ERC1: variants seen among roughly 807,000 people sequenced by gnomAD.
ERC1 encodes ELKS/RAB6-interacting/CAST family member 1.
Under a neutral mutation model 132.0 loss-of-function variants are expected in ERC1, and 56 were observed. The ratio of observed to expected loss-of-function variants is 0.42; its 90% CI spans 0.34 to 0.53. The LOEUF (loss-of-function observed/expected upper bound fraction) is 0.53. ERC1 is among the 20% of genes least tolerant of loss of function. The pLI is 0.03. For missense variants in ERC1, 1,202 were observed against 1,349.9 expected (o/e 0.89, Z 1.72); for synonymous variants, 478 against 476.1 (o/e 1.00, Z -0.05).
Position 1,239,099 on chromosome 12 carries a change from C to CTGTT in ERC1, c.2487+2201_2487+2204dup, listed in dbSNP as rs549021986. Among the ~76,000 whole-genome samples, 253 of 152,202 alleles carry CTGTT rather than the reference C, an allele frequency of 1.7e-3. 1 individual carries two copies. Among genetic ancestry groups the CTGTT allele is most frequent in the Middle Eastern group, 6.8e-3 (2 of 294 alleles). Reference sequence around the variant, plus strand: ...ACTACTCAGTTACTTAAGTATATTTCTGTTTGTTTATTTATTTATTTACTT... The same window carrying CTGTT: ...ACTACTCAGTTACTTAAGTATATTTCTGTTTGTTTGTTTATTTATTTATTTACTT... On this transcript the variant is annotated intron_variant, in intron 13 of 18. Transcript: ENST00000360905.
chr12:1,219,911 T>G (rs999426887), intron 12 of ERC1, among the ~76,000 whole-genome samples: 1 of 152,090 alleles, frequency 6.6e-6, no homozygotes, highest in East Asian at 1.9e-4. Context: ...ACCCCTTGGG[T>G]TAAAACCTTC....
At chr12:1,460,427 C>G (rs1167879574) in intron 18 of ERC1, among the ~76,000 whole-genome samples, 2 of 152,118 alleles carry the variant, frequency 1.3e-5, no homozygotes, top group African/African-American at 2.4e-5. Flanking sequence ...CGGTGTTACC[C>G]CATGAGCAGT....
chr12:1,472,830 A>AT (rs2154428212), intron 18 of ERC1, among the ~76,000 whole-genome samples: 1 of 152,324 alleles, frequency 6.6e-6, no homozygotes, highest in Non-Finnish European at 1.5e-5. Flanking sequence ...GTTGTTGATA[A>AT]TACAAGAAAG....
intron 7 of ERC1, among the ~76,000 whole-genome samples, chr12:1,137,502 A>G (rs543939673): frequency 6.6e-6 from 1 of 152,248 alleles, no homozygotes; most frequent in Non-Finnish European, 1.5e-5. Context: ...AATGTTAGCT[A>G]CTTTACAGTG....
At chr12:1,148,579 A>G (rs953466459) in intron 8 of ERC1, among the ~76,000 whole-genome samples, 2 of 152,054 alleles carry the variant, frequency 1.3e-5, no homozygotes, top group Non-Finnish European at 2.9e-5. Context: ...GGTTTATGTT[A>G]TTAGTGCTTC....
intron 12 of ERC1, among the ~76,000 whole-genome samples, chr12:1,191,266 T>TA (rs1316530621): frequency 1.3e-5 from 2 of 152,136 alleles, no homozygotes; most frequent in African/African-American, 4.8e-5. Context: ...ATTTTTTATG[T>TA]CTTCATTTTT....
intron 1 of ERC1, among the ~76,000 whole-genome samples, chr12:1,007,145 A>AT (rs1211761877): frequency 2.6e-5 from 4 of 152,124 alleles, no homozygotes; most frequent in African/African-American, 9.7e-5. Flanking sequence ...AGTGTTATTG[A>AT]TACGTGCAAG....
intron 18 of ERC1, among the ~76,000 whole-genome samples, chr12:1,483,362 T>C (rs10848485): frequency 0.39 from 58,559 of 152,046 alleles, 12,900 homozygotes; most frequent in African/African-American, 0.61. Flanking sequence ...TTTCATTTAA[T>C]GTAATGTTTT....
At chr12:1,385,305 C>T (rs537080143) in intron 16 of ERC1, among the ~76,000 whole-genome samples, 14 of 151,668 alleles carry the variant, frequency 9.2e-5, no homozygotes, top group South Asian at 6.2e-4. Context: ...TTTTTTGAGA[C>T]GGAGTCTCGC....
chr12:1,372,978 T>C (rs2087426095), intron 16 of ERC1, among the ~76,000 whole-genome samples: 1 of 152,268 alleles, frequency 6.6e-6, no homozygotes, highest in African/African-American at 2.4e-5. Flanking sequence ...ATAGTCTTTA[T>C]ATGTATTTAT....
chr12:1,340,976 C>T (rs2083783076), intron 15 of ERC1, among the ~76,000 whole-genome samples: 1 of 150,800 alleles, frequency 6.6e-6, no homozygotes, highest in Non-Finnish European at 1.5e-5. Context: ...GTATATTCTA[C>T]CTTCTTCCAA....
At chr12:1,143,329 CG>C (rs1235447215) in intron 8 of ERC1, among the ~76,000 whole-genome samples, 4 of 128,890 alleles carry the variant, frequency 3.1e-5, no homozygotes, top group Non-Finnish European at 6.6e-5. Context: ...GCTTTTGACT[CG>C]TGTGTGTGTG....
At chr12:1,283,820 G>A (rs1262079617) in intron 14 of ERC1, among the ~76,000 whole-genome samples, 2 of 152,172 alleles carry the variant, frequency 1.3e-5, no homozygotes, top group Admixed American at 1.3e-4. Flanking sequence ...GGGTACATGT[G>A]ATATTTTGAT....
chr12:1,180,685 G>T lies in ERC1; in HGVS notation c.1875+8G>T, dbSNP rs1002936873. ...GAGGCCCTTGCAGAGAAAGTGAGTG[G>T]CTGGCCCCAACTCTCCACACACGTT... On this transcript the variant is annotated splice_region_variant and intron_variant, in intron 9 of 18. Coordinates refer to ENST00000360905, the MANE Select transcript of ERC1 (RefSeq NM_178040.4). The T allele has an allele frequency of 6.2e-7, 1 of 1,613,948 alleles. No homozygotes were observed. The highest frequency in any genetic ancestry group is 1.3e-5 in the African/African-American group (1 of 74,920).
chr12:1,313,734 C>T (rs762878016), intron 15 of ERC1, among the ~76,000 whole-genome samples: 1 of 151,770 alleles, frequency 6.6e-6, no homozygotes, highest in Admixed American at 6.6e-5. Flanking sequence ...GCCTGTAATC[C>T]CAACACTTTG....
chr12:1,275,587 G>A (rs2078207696), intron 14 of ERC1, among the ~76,000 whole-genome samples: 1 of 152,160 alleles, frequency 6.6e-6, no homozygotes, highest in South Asian at 2.1e-4. Context: ...AGGTCTATTT[G>A]GAGATAAACT....
At chr12:1,279,841 G>A (rs907693013) in intron 14 of ERC1, among the ~76,000 whole-genome samples, 3 of 151,906 alleles carry the variant, frequency 2.0e-5, no homozygotes, top group African/African-American at 7.3e-5. Context: ...GACTACAGGC[G>A]TGCGCCACCA....
intron 15 of ERC1, among the ~76,000 whole-genome samples, chr12:1,292,644 C>T (rs1251510988): frequency 6.6e-6 from 1 of 152,050 alleles, no homozygotes; most frequent in Non-Finnish European, 1.5e-5. Context: ...AAGAAGAGTC[C>T]AGTACTAAAT....
At chr12:1,442,424 A>G (rs911145402) in intron 17 of ERC1, among the ~76,000 whole-genome samples, 3 of 152,178 alleles carry the variant, frequency 2.0e-5, no homozygotes, top group Admixed American at 2.0e-4. Flanking sequence ...AAACCTGCTG[A>G]TTAGGAGTCT....
Sources: gnomAD v4.1 joint callset for allele counts (sites outside exome capture counted in the v4.1 genomes callset) on GRCh38, gnomAD v4.1.1 for gene constraint, MANE v1.5 for transcripts, NCBI Gene and HGNC (gene_info 2026-07-23, HGNC 2026-07-21) for gene names.